Variants in PRKN observed in about 807,000 individuals in gnomAD.
The protein encoded by PRKN is parkin RBR E3 ubiquitin protein ligase.
Under a neutral mutation model 59.5 loss-of-function variants are expected in PRKN, and 56 were observed. That is an observed-to-expected ratio of 0.94 (90% CI 0.76 to 1.18). PRKN has a LOEUF of 1.18. PRKN is among the 50% of genes most tolerant of loss of function. The probability of loss-of-function intolerance (pLI) is 0.00; values close to 1 mark genes in which losing one functional copy is unlikely to be tolerated. For missense variants in PRKN, 657 were observed against 596.4 expected (o/e 1.10, Z -1.06); for synonymous variants, 250 against 222.1 (o/e 1.13, Z -1.12).
intron 6 of PRKN, among the ~76,000 whole-genome samples, chr6:161,873,646 C>G (rs993759454): frequency 1.3e-5 from 2 of 151,738 alleles, no homozygotes; most frequent in African/African-American, 4.8e-5. Flanking sequence ...AACAACAAAA[C>G]AAGTCTGCCA....
chr6:161,864,845 G>A (rs1055461503), intron 6 of PRKN, among the ~76,000 whole-genome samples: 2 of 152,030 alleles, frequency 1.3e-5, no homozygotes, highest in East Asian at 1.9e-4. Flanking sequence ...TAGTAGAGAC[G>A]GGGTTTCACT....
At chr6:162,638,498 G>A (rs182654823) in intron 1 of PRKN, among the ~76,000 whole-genome samples, 27 of 152,052 alleles carry the variant, frequency 1.8e-4, no homozygotes, top group Admixed American at 6.5e-4. Context: ...ATACCCTTCC[G>A]CCTCCCATCC....
intron 7 of PRKN, among the ~76,000 whole-genome samples, chr6:161,640,522 G>A (rs1046112888): frequency 2.6e-5 from 4 of 152,044 alleles, no homozygotes; most frequent in African/African-American, 9.7e-5. Context: ...ACGAGATATG[G>A]AATACAAAAT....
At chr6:161,389,851 G>A (rs953596243) in intron 9 of PRKN, among the ~76,000 whole-genome samples, 8 of 152,162 alleles carry the variant, frequency 5.3e-5, no homozygotes, top group Non-Finnish European at 8.8e-5. Context: ...CCTGGAGGCT[G>A]ATCAGTTTGT....
In PRKN at chr6:161,444,713, G is replaced by A. The variant is rs1037680157; in HGVS notation, c.1084-57836C>T. On this transcript the variant is annotated intron_variant, in intron 9 of 11. Coordinates refer to ENST00000366898, the MANE Select transcript of PRKN (RefSeq NM_004562.3). This position sits in a 1 kb window ranked among gnomAD's most constrained non-coding sequence, Gnocchi z 5.6. ...CTTTGCACGAGCGCTACCGCGTGGC[G>A]GTGGAAACATTTGTTCCCCTTGATG... Among the ~76,000 whole-genome samples the A allele has an allele frequency of 6.6e-6, 1 of 152,212 alleles. No individual in the cohort carries two copies. Among genetic ancestry groups the A allele is most frequent in the African/African-American group, 2.4e-5 (1 of 41,442 alleles).
chr6:161,820,695 AT>A (rs757626409), intron 6 of PRKN, among the ~76,000 whole-genome samples: 1 of 148,470 alleles, frequency 6.7e-6, no homozygotes, highest in Non-Finnish European at 1.5e-5. Flanking sequence ...TAAGTATAAA[AT>A]TTTATGCATA....
chr6:162,605,147 T>C (rs1253576771), intron 1 of PRKN, among the ~76,000 whole-genome samples: 1 of 152,078 alleles, frequency 6.6e-6, no homozygotes, highest in Admixed American at 6.5e-5. Flanking sequence ...ATAGACCAGG[T>C]ATAGATGATT....
At chr6:161,495,966 G>A (rs964324087) in intron 9 of PRKN, among the ~76,000 whole-genome samples, 8 of 152,142 alleles carry the variant, frequency 5.3e-5, no homozygotes, top group African/African-American at 1.9e-4. Context: ...CCGTGCACAG[G>A]GTTATTTAAT....
intron 4 of PRKN, among the ~76,000 whole-genome samples, chr6:162,094,378 G>A (rs1328824927): frequency 6.6e-6 from 1 of 152,156 alleles, no homozygotes; most frequent in African/African-American, 2.4e-5. Flanking sequence ...CAGCGACATG[G>A]GAGGCTGAGG....
At chr6:161,651,762 T>A (rs1461211125) in intron 7 of PRKN, among the ~76,000 whole-genome samples, 2 of 152,126 alleles carry the variant, frequency 1.3e-5, no homozygotes, top group Non-Finnish European at 2.9e-5. Flanking sequence ...TTGCAAAAAG[T>A]TTCTTGTCAA....
intron 9 of PRKN, among the ~76,000 whole-genome samples, chr6:161,521,440 G>C (rs1176773801): frequency 1.3e-5 from 2 of 152,192 alleles, no homozygotes; most frequent in African/African-American, 2.4e-5. Flanking sequence ...GCACAGAAGA[G>C]TGCATTAAAG....
At chr6:162,552,496 T>C (rs1424000439) in intron 1 of PRKN, among the ~76,000 whole-genome samples, 1 of 152,068 alleles carries the variant, frequency 6.6e-6, no homozygotes, top group Non-Finnish European at 1.5e-5. Flanking sequence ...TCAAAATCCA[T>C]CAAGTCTTTT....
intron 9 of PRKN, among the ~76,000 whole-genome samples, chr6:161,464,050 T>C (rs1484675886): frequency 1.3e-5 from 2 of 152,130 alleles, no homozygotes; most frequent in Non-Finnish European, 2.9e-5. Flanking sequence ...GTTTTGCTCT[T>C]GTTGCCCAGG....
At chr6:161,970,722 G>GAAACAGGGTTTCA (rs1780773352) in intron 6 of PRKN, among the ~76,000 whole-genome samples, 1 of 151,964 alleles carries the variant, frequency 6.6e-6, no homozygotes, top group Non-Finnish European at 1.5e-5. Context: ...ATTTTTAGTA[G>GAAACAGGGTTTCA]AAACAGGGTT....
intron 2 of PRKN, among the ~76,000 whole-genome samples, chr6:162,318,664 T>G (rs529601455): frequency 1.3e-5 from 2 of 152,206 alleles, no homozygotes; most frequent in East Asian, 3.9e-4. Context: ...TACTTCACTG[T>G]GGTTTTGACC....
intron 1 of PRKN, among the ~76,000 whole-genome samples, chr6:162,477,008 G>A (rs1792056437): frequency 6.6e-6 from 1 of 152,168 alleles, no homozygotes; most frequent in South Asian, 2.1e-4. Context: ...CCTGGGACCT[G>A]AAGTGCAGCA....
At chr6:161,757,882 T>TAC (rs1273812918) in intron 7 of PRKN, among the ~76,000 whole-genome samples, 6 of 97,224 alleles carry the variant, frequency 6.2e-5, no homozygotes, top group Admixed American at 2.0e-4. Context: ...TGTGTATATA[T>TAC]ATATACACAC....
intron 5 of PRKN, among the ~76,000 whole-genome samples, chr6:162,003,986 GAA>G (rs1250739440): frequency 3.3e-5 from 5 of 152,276 alleles, no homozygotes; most frequent in Middle Eastern, 6.8e-3. Flanking sequence ...TTCTAGGCCT[GAA>G]ACACTTAAAG....
chr6:162,063,417 A>C (rs1954913), intron 4 of PRKN, among the ~76,000 whole-genome samples: 69,484 of 152,034 alleles, frequency 0.46, 16,175 homozygotes, highest in Admixed American at 0.52. Flanking sequence ...ACAAGATACA[A>C]TTTCACTTGA....
Sources: gnomAD v4.1 joint callset for allele counts (sites outside exome capture counted in the v4.1 genomes callset) on GRCh38, gnomAD v4.1.1 for gene constraint, Gnocchi (gnomAD v3.1) non-coding constraint, MANE v1.5 for transcripts, NCBI Gene and HGNC (gene_info 2026-07-23, HGNC 2026-07-21) for gene names.